FLACC1: variants seen among roughly 807,000 people sequenced by gnomAD.
FLACC1 encodes flagellum-associated coiled-coil domain-containing protein 1.
FLACC1 carries 66 observed loss-of-function variants against 62.8 expected under a neutral mutation model. The ratio of observed to expected loss-of-function variants is 1.05; its 90% CI spans 0.86 to 1.29. The LOEUF (loss-of-function observed/expected upper bound fraction) is 1.29. Among genes scored for constraint, FLACC1 ranks in the 50% most tolerant of loss-of-function variants. FLACC1 has a pLI of 0.00. For missense variants in FLACC1, 452 were observed against 489.1 expected (o/e 0.92, Z 0.71); for synonymous variants, 156 against 161.0 (o/e 0.97, Z 0.24).
chr2:201,345,074 TACA>T (rs957672369), intron 5 of FLACC1, among the ~76,000 whole-genome samples: 25 of 152,240 alleles, frequency 1.6e-4, no homozygotes, highest in African/African-American at 6.0e-4. Context: ...TACCAGGGAA[TACA>T]ACAAGCACAG....
At chr2:201,323,809 G>GAAAAAAAAAAAT (rs1950452542) in intron 9 of FLACC1, among the ~76,000 whole-genome samples, 1 of 77,374 alleles carries the variant, frequency 1.3e-5, no homozygotes, top group African/African-American at 4.8e-5. Context: ...AAAAAGTAAG[G>GAAAAAAAAAAAT]AAGGAAGGAA....
At position 201,346,790 on chromosome 2, in the gene FLACC1, C is replaced by G; in HGVS notation, c.235-115G>C. 7.5e-7 allele frequency: 1 copy of G among 1,338,396 alleles called. No homozygotes were observed. 82.9% of individuals were successfully genotyped at this position (1,338,396 alleles called of 1,614,324 possible). ...AAAACAGGGACCTGGGACTCCACAG[C>G]CCAAGCCCTTCTGGGCCCTTCACCC... On this transcript the variant is annotated intron_variant, in intron 4 of 14. Transcript: ENST00000392257. The surrounding 1 kb of genome is among the most constrained non-coding windows in gnomAD (Gnocchi z 4.0).
At chr2:201,305,175 A>G (rs1015175779) in intron 11 of FLACC1, among the ~76,000 whole-genome samples, 3 of 152,250 alleles carry the variant, frequency 2.0e-5, no homozygotes, top group Non-Finnish European at 1.5e-5. Context: ...AATTTTTGCA[A>G]TCTACCCATC....
chr2:201,291,302 C>G (rs956908994), intron 12 of FLACC1, among the ~76,000 whole-genome samples: 2 of 152,182 alleles, frequency 1.3e-5, no homozygotes, highest in East Asian at 3.9e-4. Context: ...ACACATCACA[C>G]GGCTGGGTAC....
intron 12 of FLACC1, among the ~76,000 whole-genome samples, chr2:201,295,282 C>T (rs969837946): frequency 1.4e-4 from 22 of 152,090 alleles, no homozygotes; most frequent in African/African-American, 5.3e-4. Context: ...CTACAGTAAC[C>T]AAAACAGCAT....
At chr2:201,294,077 G>A (rs1003829351) in intron 12 of FLACC1, among the ~76,000 whole-genome samples, 15 of 152,140 alleles carry the variant, frequency 9.9e-5, no homozygotes, top group East Asian at 1.9e-4. Flanking sequence ...ATTCACAGCC[G>A]AATTCTACCA....
intron 7 of FLACC1, among the ~76,000 whole-genome samples, chr2:201,333,749 G>T (rs1433520260): frequency 6.6e-6 from 1 of 151,998 alleles, no homozygotes; most frequent in East Asian, 1.9e-4. Flanking sequence ...ATTTTTTATG[G>T]CTGCATAGTA....
Position 201,344,266 on chromosome 2 carries a change from G to A in FLACC1, c.369-3C>T. 1 of 1,601,764 alleles carries A rather than the reference G, an allele frequency of 6.2e-7. No homozygotes were observed. On this transcript the variant is annotated splice_polypyrimidine_tract_variant and splice_region_variant and intron_variant, in intron 5 of 14. Transcript: ENST00000392257. ...CTAGGTCAGAAATGATGTTGGTCCTGTAGGAGAAGTAATTCTTCTATCATC... is the reference window on the plus strand; with the variant it reads ...CTAGGTCAGAAATGATGTTGGTCCTATAGGAGAAGTAATTCTTCTATCATC...
chr2:201,294,740 T>G (rs556682556), intron 12 of FLACC1, among the ~76,000 whole-genome samples: 20 of 152,334 alleles, frequency 1.3e-4, no homozygotes, highest in African/African-American at 4.3e-4. Flanking sequence ...TTGTCCCTGT[T>G]TGCAGATGAC....
intron 4 of FLACC1, chr2:201,348,038 C>A: frequency 2.2e-6 from 1 of 447,764 alleles, no homozygotes; most frequent in Non-Finnish European, 4.0e-6. Context: ...GAGAGAGTGG[C>A]AATTAAATGC....
intron 12 of FLACC1, among the ~76,000 whole-genome samples, chr2:201,296,407 C>T (rs1204279056): frequency 6.7e-6 from 1 of 150,042 alleles, no homozygotes; most frequent in East Asian, 2.0e-4. Flanking sequence ...CAAACTATGG[C>T]AAGGACAAAA....
chr2:201,355,130 C>T (rs1417694472), intron 1 of FLACC1, among the ~76,000 whole-genome samples: 1 of 151,934 alleles, frequency 6.6e-6, no homozygotes, highest in Non-Finnish European at 1.5e-5. Context: ...ACTAAAAACA[C>T]AAAAATTAGC....
At chr2:201,323,758 G>C (rs1420586576) in intron 9 of FLACC1, among the ~76,000 whole-genome samples, 1 of 97,004 alleles carries the variant, frequency 1.0e-5, no homozygotes, top group Admixed American at 1.3e-4. Context: ...TTGCACTCCA[G>C]CCTGGGCAAC....
intron 7 of FLACC1, among the ~76,000 whole-genome samples, chr2:201,340,125 T>A (rs890847280): frequency 1.8e-4 from 27 of 152,336 alleles, no homozygotes; most frequent in Non-Finnish European, 3.5e-4. Context: ...TCATGTGCCT[T>A]ACAGGTGACA....
In FLACC1 at chr2:201,302,994, G is replaced by C. The variant is rs193267296; in HGVS notation, c.880-3694C>G. 2.3e-3 allele frequency among the ~76,000 whole-genome samples: 345 copies of C among 152,232 alleles called. 2 individuals carry two copies. Among genetic ancestry groups the C allele is most frequent in the African/African-American group, 7.9e-3 (327 of 41,516 alleles). Reference sequence around the variant, plus strand: ...GGGAAAGCAGGAAAGATCTAAAATTGACACCCTAACATCACAATTAAAAGA... The same window carrying C: ...GGGAAAGCAGGAAAGATCTAAAATTCACACCCTAACATCACAATTAAAAGA... On this transcript the variant is annotated intron_variant, in intron 11 of 14. Transcript: ENST00000392257.
chr2:201,315,526 C>A (rs1042430500), intron 9 of FLACC1, among the ~76,000 whole-genome samples: 1 of 152,112 alleles, frequency 6.6e-6, no homozygotes, highest in African/African-American at 2.4e-5. Context: ...TATATATGCA[C>A]CTAACACTGG....
At chr2:201,336,577 A>G (rs2125601837) in intron 7 of FLACC1, among the ~76,000 whole-genome samples, 2 of 152,306 alleles carry the variant, frequency 1.3e-5, no homozygotes, top group Middle Eastern at 6.8e-3. Context: ...GTTCTTTGAG[A>G]AATCTCCAAA....
chr2:201,350,811 A>G (rs1951013606), intron 2 of FLACC1, 29 bp from the exon 3 acceptor site: 1 of 1,586,174 alleles, frequency 6.3e-7, no homozygotes, highest in Non-Finnish European at 8.7e-7. Flanking sequence ...TAACTAAAAC[A>G]AGAACATTGG....
At chr2:201,328,078 T>A (rs1950528337) in intron 9 of FLACC1, among the ~76,000 whole-genome samples, 1 of 152,176 alleles carries the variant, frequency 6.6e-6, no homozygotes, top group Non-Finnish European at 1.5e-5. Context: ...AACTGTATGA[T>A]GTCACTTAAA....
Sources: allele counts gnomAD v4.1 joint callset (sites outside exome capture counted in the v4.1 genomes callset), GRCh38; gene constraint gnomAD v4.1.1; non-coding constraint Gnocchi (gnomAD v3.1); transcripts MANE v1.5; gene names NCBI Gene and HGNC (gene_info 2026-07-23, HGNC 2026-07-21).